The following FREM1 variants were observed in gnomAD, a reference collection of about 807,000 sequenced individuals.
The protein encoded by FREM1 is FRAS1-related extracellular matrix protein 1.
A neutral mutation model predicts 210.1 loss-of-function variants in FREM1; 220 were observed. That is an observed-to-expected ratio of 1.05 (90% CI 0.94 to 1.17). The LOEUF is 1.17. FREM1 is among the 50% of genes most tolerant of loss of function. The pLI, the probability that FREM1 is intolerant of heterozygous loss-of-function variation, is 0.00. For synonymous variants in FREM1, 1,189 were observed against 980.2 expected, an observed-to-expected ratio of 1.21 and a Z score of -3.98; for missense variants, 3,454 against 2,675.5, an observed-to-expected ratio of 1.29 and a Z score of -6.42.
In FREM1 at chr9:14,860,772, CACATATAT is replaced by C. The variant is rs201582257; in HGVS notation, c.330-1296_330-1289del. Among the ~76,000 whole-genome samples, 240 of 109,354 alleles carry C rather than the reference CACATATAT, an allele frequency of 2.2e-3. 15 individuals carry two copies. The highest frequency in any genetic ancestry group is 3.5e-3 in the Non-Finnish European group (207 of 58,470). 71.7% of individuals were successfully genotyped at this position (109,354 alleles called of 152,430 possible). The stretch of plus-strand genomic sequence containing the variant: ...ATGCACATATATATGCACATATATA[CACATATAT>C]ACATATATACATATATACACATATA... On this transcript the variant is annotated intron_variant, in intron 3 of 36. Coordinates refer to ENST00000380880, the MANE Select transcript of FREM1 (RefSeq NM_001379081.2).
chr9:14,748,782 A>G, intron 30 of FREM1, 143 bp from the exon 31 acceptor site: 1 of 615,810 alleles, frequency 1.6e-6, no homozygotes, highest in Non-Finnish European at 2.9e-6. Context: ...GCCATTTGCC[A>G]GAAACTCCTT....
intron 22 of FREM1, among the ~76,000 whole-genome samples, chr9:14,791,628 CGTCTTTTAA>C (rs1476470889): frequency 6.6e-6 from 1 of 152,130 alleles, no homozygotes; most frequent in Non-Finnish European, 1.5e-5. Flanking sequence ...ACTGAACTTT[CGTCTTTTAA>C]GTTCATGTCA....
At chr9:14,879,801 T>A (rs565790865) in intron 1 of FREM1, among the ~76,000 whole-genome samples, 2 of 152,290 alleles carry the variant, frequency 1.3e-5, no homozygotes, top group African/African-American at 2.4e-5. Context: ...TGGAGACATG[T>A]GTTGTATTAA....
At chr9:14,825,821 C>A (rs1184467947) in intron 10 of FREM1, among the ~76,000 whole-genome samples, 1 of 152,000 alleles carries the variant, frequency 6.6e-6, no homozygotes, top group African/African-American at 2.4e-5. Flanking sequence ...TGACCATACT[C>A]CACATCCCAC....
intron 27 of FREM1, among the ~76,000 whole-genome samples, chr9:14,768,776 G>A (rs1846955555): frequency 6.6e-6 from 1 of 152,160 alleles, no homozygotes; most frequent in South Asian, 2.1e-4. Flanking sequence ...GAAGACTGCA[G>A]AGGAGTTTCT....
intron 28 of FREM1, 26 bp from the exon 29 acceptor site, chr9:14,756,472 T>A (rs1449460875): frequency 2.6e-6 from 4 of 1,525,262 alleles, no homozygotes; most frequent in Non-Finnish European, 8.9e-7. Context: ...AAAATCTTTT[T>A]AAGATAAAAA....
intron 23 of FREM1, 94 bp downstream of exon 23, chr9:14,788,825 G>GA (rs944184222): frequency 2.1e-6 from 2 of 953,252 alleles, no homozygotes; most frequent in African/African-American, 3.3e-5. Flanking sequence ...AAAAAGGAAA[G>GA]AAGGGAGGGA....
chr9:14,781,796 C>T (rs1025453237), intron 24 of FREM1, among the ~76,000 whole-genome samples: 4 of 152,170 alleles, frequency 2.6e-5, no homozygotes, highest in South Asian at 4.1e-4. Context: ...TTCTGCCTCC[C>T]GGGCTCAAGC....
chr9:14,796,613 A>G (rs532678060), intron 21 of FREM1, among the ~76,000 whole-genome samples: 177 of 152,286 alleles, frequency 1.2e-3, no homozygotes, highest in Middle Eastern at 6.8e-3. Flanking sequence ...CCAGGTAGAG[A>G]TAATTGAATC....
Position 14,816,886 on chromosome 9 carries a change from T to C in FREM1, c.2547-15A>G. ...CATGTTGATACCTGTGGGGATAATA[T>C]TTGTCACCAACCTCTTAGGAACAGT... On this transcript the variant is annotated splice_polypyrimidine_tract_variant and intron_variant, in intron 14 of 36. Transcript: ENST00000380880. The C allele has an allele frequency of 9.3e-7, 1 of 1,076,064 alleles. No individual in the cohort carries two copies. The highest frequency in any genetic ancestry group is 1.3e-6 in the Non-Finnish European group (1 of 765,324). 66.7% of individuals were successfully genotyped at this position (1,076,064 alleles called of 1,614,324 possible).
At chr9:14,762,309 T>C (rs113208070) in intron 27 of FREM1, among the ~76,000 whole-genome samples, 7 of 152,302 alleles carry the variant, frequency 4.6e-5, no homozygotes, top group African/African-American at 1.7e-4. Context: ...CAGCCATCAG[T>C]AGGGTTCAAA....
At chr9:14,797,855 G>C (rs770730241) in intron 20 of FREM1, among the ~76,000 whole-genome samples, 1 of 152,084 alleles carries the variant, frequency 6.6e-6, no homozygotes, top group Non-Finnish European at 1.5e-5. Context: ...ATTTGATTAA[G>C]GGTGTTATTT....
At chr9:14,766,025 G>A (rs1029004610) in intron 27 of FREM1, among the ~76,000 whole-genome samples, 1 of 152,084 alleles carries the variant, frequency 6.6e-6, no homozygotes, top group Non-Finnish European at 1.5e-5. Context: ...ACTTGGACTA[G>A]AAAACAGGCA....
At chr9:14,877,232 C>G (rs1472280994) in intron 1 of FREM1, among the ~76,000 whole-genome samples, 1 of 151,880 alleles carries the variant, frequency 6.6e-6, no homozygotes, top group African/African-American at 2.4e-5. Flanking sequence ...TAGCCTGGAC[C>G]CTCTTGCTTA....
intron 16 of FREM1, among the ~76,000 whole-genome samples, chr9:14,810,077 G>C (rs539606988): frequency 2.6e-4 from 39 of 152,254 alleles, no homozygotes; most frequent in Non-Finnish European, 5.9e-5. Flanking sequence ...AGGAAAGTCA[G>C]CAAAGTTTCC....
chr9:14,896,700 G>A (rs890052647), intron 1 of FREM1, among the ~76,000 whole-genome samples: 7 of 152,102 alleles, frequency 4.6e-5, no homozygotes, highest in African/African-American at 1.7e-4. Flanking sequence ...TAATAAACTT[G>A]CTTTGGCTTA....
chr9:14,762,502 T>C (rs753987063), intron 27 of FREM1, among the ~76,000 whole-genome samples: 1 of 152,194 alleles, frequency 6.6e-6, no homozygotes, highest in African/African-American at 2.4e-5. Context: ...CTTCAAGGTA[T>C]AAAGGGTCTT....
At chr9:14,908,415 C>T (rs1342569974) in intron 1 of FREM1, among the ~76,000 whole-genome samples, 53 of 152,152 alleles carry the variant, frequency 3.5e-4, no homozygotes, top group Admixed American at 3.5e-3. Flanking sequence ...CCAAAACAAA[C>T]ATTGCTTAGC....
Position 14,884,963 on chromosome 9 carries a change from C to T in FREM1, c.-267-15719G>A, listed in dbSNP as rs1200254030. Among the ~76,000 whole-genome samples, 10 of 105,602 alleles carry T rather than the reference C, an allele frequency of 9.5e-5. No individual in the cohort carries two copies. The East Asian group carries it at 1.3e-3, about 14-fold the overall frequency. 69.3% of individuals were successfully genotyped at this position (105,602 alleles called of 152,430 possible). On this transcript the variant is annotated intron_variant, in intron 1 of 36. Transcript: ENST00000380880. Reference sequence around the variant, plus strand: ...TTTTTGAGACGGAGTCTCGCTCTGTCGCCCAGGCTGGAGTGCAGTGGTGCG... The same window carrying T: ...TTTTTGAGACGGAGTCTCGCTCTGTTGCCCAGGCTGGAGTGCAGTGGTGCG...
Sources: allele counts gnomAD v4.1 joint callset (sites outside exome capture counted in the v4.1 genomes callset), GRCh38; gene constraint gnomAD v4.1.1; transcripts MANE v1.5; gene names NCBI Gene and HGNC (gene_info 2026-07-23, HGNC 2026-07-21).